The following PLCB4 variants were observed in gnomAD, a reference collection of about 807,000 sequenced individuals.
PLCB4 encodes 1-phosphatidylinositol 4,5-bisphosphate phosphodiesterase beta-4.
A neutral mutation model predicts 178.8 loss-of-function variants in PLCB4; 77 were observed. The ratio of observed to expected loss-of-function variants is 0.43; its 90% CI spans 0.36 to 0.52. PLCB4 has a LOEUF of 0.52. PLCB4 is among the 20% of genes least tolerant of loss of function. The pLI, the probability that PLCB4 is intolerant of heterozygous loss-of-function variation, is 0.00. For missense variants in PLCB4, 1,024 were observed against 1,453.4 expected, an observed-to-expected ratio of 0.70 and a Z score of 4.80; for synonymous variants, 496 against 490.8, an observed-to-expected ratio of 1.01 and a Z score of -0.14.
intron 4 of PLCB4, among the ~76,000 whole-genome samples, chr20:9,313,389 G>C (rs1247993533): frequency 6.6e-6 from 1 of 152,190 alleles, no homozygotes; most frequent in African/African-American, 2.4e-5. Flanking sequence ...ACAGAGGAAA[G>C]TCCAGAGGCT....
intron 2 of PLCB4, among the ~76,000 whole-genome samples, chr20:9,205,268 C>T (rs1482044872): frequency 6.6e-6 from 1 of 152,180 alleles, no homozygotes; most frequent in Non-Finnish European, 1.5e-5. Context: ...TTTTGCTCCA[C>T]TGTAGGCCAA....
At chr20:9,271,536 C>A (rs1444049101) in intron 3 of PLCB4, among the ~76,000 whole-genome samples, 3 of 152,104 alleles carry the variant, frequency 2.0e-5, no homozygotes, top group Non-Finnish European at 4.4e-5. Context: ...AAGACATTGA[C>A]GTTGTCATTA....
intron 3 of PLCB4, 113 bp downstream of exon 3, chr20:9,217,565 A>G (rs550898824): frequency 6.6e-6 from 1 of 152,336 alleles, no homozygotes; most frequent in East Asian, 1.9e-4. Flanking sequence ...ATGCCTCTCA[A>G]AACTGATTCA....
intron 2 of PLCB4, among the ~76,000 whole-genome samples, chr20:9,181,885 T>C (rs2093252301): frequency 6.6e-6 from 1 of 151,276 alleles, no homozygotes; most frequent in South Asian, 2.1e-4. Flanking sequence ...CAATACAGTC[T>C]CCCAAAAGAG....
chr20:9,160,542 T>C (rs1033618396), intron 2 of PLCB4, among the ~76,000 whole-genome samples: 1 of 152,220 alleles, frequency 6.6e-6, no homozygotes, highest in African/African-American at 2.4e-5. Context: ...TGTGTGTGCA[T>C]GCATGTTTTA....
chr20:9,416,193 G>C (rs368483213), intron 25 of PLCB4, among the ~76,000 whole-genome samples: 6 of 152,284 alleles, frequency 3.9e-5, no homozygotes, highest in African/African-American at 1.4e-4. Context: ...CACTCCTTCA[G>C]AGATGAGTGT....
chr20:9,243,930 G>A (rs909454569), intron 3 of PLCB4, among the ~76,000 whole-genome samples: 1 of 152,154 alleles, frequency 6.6e-6, no homozygotes, highest in Non-Finnish European at 1.5e-5. Context: ...AACATGGTTA[G>A]CCTTCATGAA....
intron 4 of PLCB4, among the ~76,000 whole-genome samples, chr20:9,309,560 G>C (rs2094806985): frequency 6.6e-6 from 1 of 151,982 alleles, no homozygotes; most frequent in Admixed American, 6.6e-5. Context: ...TTCTCTCCAG[G>C]GACTAGCAGA....
intron 33 of PLCB4, among the ~76,000 whole-genome samples, chr20:9,454,563 G>T (rs1317105667): frequency 6.6e-6 from 1 of 152,088 alleles, no homozygotes; most frequent in Admixed American, 6.5e-5. Flanking sequence ...GGGTTTTTTG[G>T]CATTTGGTTT....
chr20:9,418,684 A>T (rs1377439313), intron 25 of PLCB4, among the ~76,000 whole-genome samples: 1 of 152,134 alleles, frequency 6.6e-6, no homozygotes, highest in African/African-American at 2.4e-5. Flanking sequence ...TTTTAGGATT[A>T]GCTTGTCAGT....
chr20:9,417,648 T>C (rs1344748315), intron 25 of PLCB4, among the ~76,000 whole-genome samples: 1 of 152,208 alleles, frequency 6.6e-6, no homozygotes, highest in African/African-American at 2.4e-5. Flanking sequence ...TTACAAATAA[T>C]GCTGCTATGA....
chr20:9,346,386 T>G (rs1419964767), intron 7 of PLCB4, among the ~76,000 whole-genome samples: 1 of 152,228 alleles, frequency 6.6e-6, no homozygotes, highest in East Asian at 1.9e-4. Flanking sequence ...CTTAGTGGTC[T>G]GATGCCCAGG....
chr20:9,457,325 T>C lies in PLCB4; in HGVS notation c.2997-89T>C, dbSNP rs192114820. 1.2e-5 allele frequency: 9 copies of C among 745,192 alleles called. No individual in the cohort carries two copies. In the East Asian group the frequency reaches 2.0e-4, roughly 16 times the overall value. 46.2% of individuals were successfully genotyped at this position (745,192 alleles called of 1,614,324 possible). ...GACATCTCATATTTGATGAATATATTATCTTCATCAGAAAGCTTTGTAGCA... is the reference window on the plus strand; with the variant it reads ...GACATCTCATATTTGATGAATATATCATCTTCATCAGAAAGCTTTGTAGCA... On this transcript the variant is annotated intron_variant, in intron 33 of 39. Transcript: ENST00000378473.
At chr20:9,143,880 C>T (rs997978593) in intron 2 of PLCB4, among the ~76,000 whole-genome samples, 2 of 152,026 alleles carry the variant, frequency 1.3e-5, no homozygotes, top group Non-Finnish European at 2.9e-5. Flanking sequence ...GCTTGCTGGG[C>T]TTCCTTCTGC....
At chr20:9,448,409 T>G (rs2042547028) in intron 32 of PLCB4, among the ~76,000 whole-genome samples, 1 of 152,120 alleles carries the variant, frequency 6.6e-6, no homozygotes, top group African/African-American at 2.4e-5. Context: ...AGTGTGCCCC[T>G]GGCCCAAACA....
At chr20:9,168,368 TTACC>T (rs1351220420) in intron 2 of PLCB4, among the ~76,000 whole-genome samples, 1 of 152,172 alleles carries the variant, frequency 6.6e-6, no homozygotes, top group African/African-American at 2.4e-5. Flanking sequence ...CTGCACCTGT[TTACC>T]TGCACCTGTC....
intron 2 of PLCB4, among the ~76,000 whole-genome samples, chr20:9,122,430 A>T (rs2091988716): frequency 6.6e-6 from 1 of 152,136 alleles, no homozygotes; most frequent in African/African-American, 2.4e-5. Context: ...ATACCTTTAA[A>T]ACAGGAAGAA....
intron 3 of PLCB4, among the ~76,000 whole-genome samples, chr20:9,252,897 T>A (rs1363506409): frequency 6.6e-6 from 1 of 152,152 alleles, no homozygotes; most frequent in Non-Finnish European, 1.5e-5. Context: ...TCCCTCGTTT[T>A]TAGGCCTTCT....
intron 3 of PLCB4, among the ~76,000 whole-genome samples, chr20:9,273,465 A>G (rs1454393719): frequency 2.0e-5 from 3 of 152,010 alleles, no homozygotes; most frequent in African/African-American, 4.8e-5. Context: ...CAGAGCCCAT[A>G]CTTGTATGTA....
Sources: gnomAD v4.1 joint callset for allele counts (sites outside exome capture counted in the v4.1 genomes callset) on GRCh38, gnomAD v4.1.1 for gene constraint, MANE v1.5 for transcripts, NCBI Gene and HGNC (gene_info 2026-07-23, HGNC 2026-07-21) for gene names.